NFKB1: variants seen among roughly 807,000 people sequenced by gnomAD.
The protein encoded by NFKB1 is nuclear factor NF-kappa-B p105 subunit.
NFKB1 carries 9 observed loss-of-function variants against 105.1 expected under a neutral mutation model. That is an observed-to-expected ratio of 0.09 (90% confidence interval 0.05 to 0.15). NFKB1 has a LOEUF of 0.15. Ranked by LOEUF, NFKB1 falls within the 10% of genes least tolerant of loss-of-function variation. The pLI, the probability that NFKB1 is intolerant of heterozygous loss-of-function variation, is 1.00. For missense variants in NFKB1, 830 were observed against 1,203.7 expected, an observed-to-expected ratio of 0.69 and a Z score of 4.59; for synonymous variants, 440 against 442.2, an observed-to-expected ratio of 1.00 and a Z score of 0.06.
intron 5 of NFKB1, among the ~76,000 whole-genome samples, chr4:102,540,810 A>C (rs1444525046): frequency 6.6e-6 from 1 of 152,254 alleles, no homozygotes; most frequent in South Asian, 2.1e-4. Context: ...CTCTTCTCCA[A>C]ATATCCCTTT....
intron 12 of NFKB1, among the ~76,000 whole-genome samples, chr4:102,594,408 A>G (rs1726432971): frequency 6.6e-6 from 1 of 152,186 alleles, no homozygotes; most frequent in East Asian, 1.9e-4. Flanking sequence ...CATGACATCT[A>G]ATGCCATCTG....
chr4:102,552,862 T>C (rs1261799400), intron 5 of NFKB1, among the ~76,000 whole-genome samples: 1 of 152,204 alleles, frequency 6.6e-6, no homozygotes, highest in Non-Finnish European at 1.5e-5. Context: ...CCCCCCTTCC[T>C]ACTTTTGTTT....
intron 1 of NFKB1, among the ~76,000 whole-genome samples, chr4:102,513,905 G>A (rs1226291204): frequency 3.3e-5 from 5 of 152,052 alleles, no homozygotes; most frequent in Non-Finnish European, 5.9e-5. Flanking sequence ...CGGGCGCGGT[G>A]GCTCACGGCT....
Position 102,606,697 on chromosome 4 carries a change from G to A in NFKB1, c.1954G>A (p.Gly652Ser), listed in dbSNP as rs1560716462. The A allele has an allele frequency of 3.1e-6, 5 of 1,612,828 alleles. No individual in the cohort carries two copies. The Admixed American group carries it at 6.7e-5, about 22-fold the overall frequency. ...ALLLDHPNGD[G>S]LNAIHLAMMS... is the part of the protein sequence containing the mutation. ...ACTTCTTGACCACCCCAACGGGGAC[G>A]GTAAGAGACAATCACACATCATTGG... The change falls in exon 17 of 24, where the codon GGT becomes AGT. Residue 652 changes from glycine (G) to serine (S), a missense_variant and splice_region_variant. Physicochemically the swap from Gly to Ser is moderately conservative, Grantham distance 56. Coordinates refer to ENST00000226574, the MANE Select transcript of NFKB1 (RefSeq NM_003998.4).
Position 102,577,328 on chromosome 4 carries a change from A to G in NFKB1, c.571+289A>G, listed in dbSNP as rs538979542. ...TCTCTGCTCTCTGAATAACTGAGGC[A>G]TATTTATACCTTTGTATGTGTCTTC... On this transcript the variant is annotated intron_variant, in intron 7 of 23. Transcript: ENST00000226574. Among the ~76,000 whole-genome samples, 386 of 150,652 alleles carry G rather than the reference A, an allele frequency of 2.6e-3. 2 individuals carry two copies. Among genetic ancestry groups the G allele is most frequent in the Non-Finnish European group, 3.7e-3 (247 of 66,850 alleles).
chr4:102,505,406 CAG>C (rs1433249519), intron 1 of NFKB1, among the ~76,000 whole-genome samples: 1 of 152,144 alleles, frequency 6.6e-6, no homozygotes, highest in African/African-American at 2.4e-5. Context: ...TAGTAACAAA[CAG>C]AATTAATTAT....
chr4:102,538,043 G>C, intron 5 of NFKB1, 87 bp downstream of exon 5: 10 of 822,448 alleles, frequency 1.2e-5, no homozygotes, highest in Non-Finnish European at 2.1e-5. Context: ...AATGAGTACG[G>C]GTTGCCTTCG....
At chr4:102,593,128 T>C (rs956624354) in intron 11 of NFKB1, 1 of 196,360 alleles carries the variant, frequency 5.1e-6, no homozygotes, top group Non-Finnish European at 1.0e-5. Context: ...CTTCAGGATC[T>C]TTTTGATGGA....
At chr4:102,583,781 TTCTCC>T (rs770614407) in intron 10 of NFKB1, among the ~76,000 whole-genome samples, 62,948 of 152,082 alleles carry the variant, frequency 0.41, 13,221 homozygotes, top group Admixed American at 0.48. Flanking sequence ...TTGAAGAGTA[TTCTCC>T]TATTTACAAG....
intron 5 of NFKB1, among the ~76,000 whole-genome samples, chr4:102,557,625 C>T (rs568108612): frequency 1.6e-4 from 25 of 152,146 alleles, no homozygotes; most frequent in Non-Finnish European, 3.5e-4. Flanking sequence ...ACCAGAAATG[C>T]AAATCCTGGA....
intron 17 of NFKB1, 106 bp downstream of exon 17, chr4:102,606,803 C>T (rs1727790200): frequency 5.8e-6 from 7 of 1,200,940 alleles, no homozygotes; most frequent in Non-Finnish European, 8.2e-6. Context: ...AAGTGCTTTC[C>T]TTAGTCACCT....
chr4:102,565,393 T>C (rs1186361706), intron 5 of NFKB1, among the ~76,000 whole-genome samples: 1 of 152,140 alleles, frequency 6.6e-6, no homozygotes, highest in African/African-American at 2.4e-5. Context: ...GAAACTTCTC[T>C]CCCTGCAAAC....
intron 11 of NFKB1, among the ~76,000 whole-genome samples, chr4:102,590,489 A>G (rs2149199824): frequency 6.6e-6 from 1 of 152,264 alleles, no homozygotes; most frequent in Non-Finnish European, 1.5e-5. Context: ...TACTCACTTT[A>G]TGTCTCTGTG....
Position 102,566,989 on chromosome 4 carries a change from C to T in NFKB1, c.261C>T (p.Ile87=), listed in dbSNP as rs571739367. The T allele has an allele frequency of 2.5e-6, 4 of 1,613,796 alleles. No individual in the cohort carries two copies. In the Admixed American group the frequency reaches 5.0e-5, roughly 20 times the overall value. ...TTTGGAATGTGCTTCTTATATAGAT[C>T]TGCAACTATGTGGGACCAGCAAAGG... ...KNKKSYPQVK[I]CNYVGPAKVI... The change falls in exon 6 of 24, where the codon ATC becomes ATT. Residue 87 remains isoleucine (I), a splice_region_variant and synonymous_variant. Transcript: ENST00000226574.
intron 5 of NFKB1, among the ~76,000 whole-genome samples, chr4:102,558,876 G>A (rs577500604): frequency 1.3e-5 from 2 of 152,304 alleles, no homozygotes; most frequent in South Asian, 4.1e-4. Flanking sequence ...TACATGAAAT[G>A]TGTAGTTATT....
At chr4:102,549,508 CTT>C (rs1380905662) in intron 5 of NFKB1, among the ~76,000 whole-genome samples, 1 of 150,392 alleles carries the variant, frequency 6.6e-6, no homozygotes, top group Non-Finnish European at 1.5e-5. Flanking sequence ...ACTATTAAGT[CTT>C]AACACTATTA....
At chr4:102,562,612 TA>T (rs916170783) in intron 5 of NFKB1, among the ~76,000 whole-genome samples, 2 of 151,922 alleles carry the variant, frequency 1.3e-5, no homozygotes. Flanking sequence ...CATTTAATCC[TA>T]AAAAAAAGTC....
In NFKB1 at chr4:102,564,745, A is replaced by T. The variant is rs74723001; in HGVS notation, c.259-2242A>T. On this transcript the variant is annotated intron_variant, in intron 5 of 23. Transcript: ENST00000226574. ...TTGAAGAGCCCAGTTATCTGACGTG[A>T]TTGGGCTTTAATTATGGATTCCTTC... 3.2e-3 allele frequency among the ~76,000 whole-genome samples: 483 copies of T among 152,336 alleles called. 3 individuals are homozygous for T. The highest frequency in any genetic ancestry group is 0.011 in the African/African-American group (447 of 41,576).
At chr4:102,555,971 A>G (rs1157291312) in intron 5 of NFKB1, among the ~76,000 whole-genome samples, 1 of 152,216 alleles carries the variant, frequency 6.6e-6, no homozygotes, top group Non-Finnish European at 1.5e-5. Context: ...GTGATTCTTC[A>G]TGAGCTAAAC....
Sources: allele counts gnomAD v4.1 joint callset (sites outside exome capture counted in the v4.1 genomes callset), GRCh38; gene constraint gnomAD v4.1.1; transcripts MANE v1.5; gene names NCBI Gene and HGNC (gene_info 2026-07-23, HGNC 2026-07-21).